ATP8B4: variants seen among roughly 807,000 people sequenced by gnomAD.
ATP8B4 encodes the protein ATPase phospholipid transporting 8B4 (putative), also known as probable phospholipid-transporting ATPase IM.
In ATP8B4, 133 loss-of-function variants were observed where a neutral mutation model predicts 145.6. The observed-to-expected ratio is 0.91, with a 90% CI of 0.79 to 1.05. The LOEUF is 1.05. ATP8B4 is among the 50% of genes least tolerant of loss of function. The pLI, the probability that ATP8B4 is intolerant of heterozygous loss-of-function variation, is 0.00. For synonymous variants in ATP8B4, 507 were observed against 492.9 expected, an observed-to-expected ratio of 1.03 and a Z score of -0.38; for missense variants, 1,458 against 1,425.2, an observed-to-expected ratio of 1.02 and a Z score of -0.37.
intron 20 of ATP8B4, among the ~76,000 whole-genome samples, chr15:49,916,540 T>C (rs969379972): frequency 1.3e-5 from 2 of 152,310 alleles, no homozygotes; most frequent in African/African-American, 2.4e-5. Context: ...CCATTCCGTG[T>C]AGATTCTTAA....
At chr15:49,867,897 C>A (rs1598792313) in intron 25 of ATP8B4, among the ~76,000 whole-genome samples, 1 of 152,164 alleles carries the variant, frequency 6.6e-6, no homozygotes, top group African/African-American at 2.4e-5. Context: ...ATATTCTGGA[C>A]AAAACAATAC....
At chr15:50,162,664 G>A (rs1251611611) in intron 1 of ATP8B4, among the ~76,000 whole-genome samples, 1 of 151,954 alleles carries the variant, frequency 6.6e-6, no homozygotes, top group Non-Finnish European at 1.5e-5. Flanking sequence ...CCGCCACCAC[G>A]CCCGGCTAAT....
At chr15:49,932,114 T>G (rs12148767) in intron 15 of ATP8B4, among the ~76,000 whole-genome samples, 36,916 of 151,528 alleles carry the variant, frequency 0.24, 5,181 homozygotes, top group Non-Finnish European at 0.31. Context: ...TAATTAGGCA[T>G]AGCTAGACCC....
At chr15:50,072,403 G>T (rs921989706) in intron 3 of ATP8B4, among the ~76,000 whole-genome samples, 2 of 152,126 alleles carry the variant, frequency 1.3e-5, no homozygotes, top group Non-Finnish European at 2.9e-5. Flanking sequence ...CTTACACAGA[G>T]TCATAGAAGA....
At chr15:50,044,780 G>A in intron 4 of ATP8B4, 88 bp from the exon 5 acceptor site, 2 of 857,274 alleles carry the variant, frequency 2.3e-6, no homozygotes, top group Non-Finnish European at 3.7e-6. Context: ...AATTAATGGG[G>A]TTATATTGAC....
intron 1 of ATP8B4, among the ~76,000 whole-genome samples, chr15:50,151,949 A>G (rs923215658): frequency 2.0e-4 from 31 of 152,158 alleles, no homozygotes; most frequent in Non-Finnish European, 4.4e-5. Flanking sequence ...AAGTTTTCTT[A>G]AGTCTGGAAA....
chr15:50,002,149 T>G lies in ATP8B4; in HGVS notation c.506+4A>C. On this transcript the variant is annotated splice_donor_region_variant and intron_variant, in intron 8 of 27. Transcript: ENST00000284509. ...ACCAAATTATTCTAATTTTAATAAC[T>G]TACCCATCAAGCTCAGCAGTTTCAA... The G allele has an allele frequency of 6.2e-7, 1 of 1,600,134 alleles. No individual in the cohort carries two copies. The highest frequency in any genetic ancestry group is 8.6e-7 in the Non-Finnish European group (1 of 1,169,454).
At chr15:50,150,883 C>T (rs1403463096) in intron 1 of ATP8B4, among the ~76,000 whole-genome samples, 1 of 152,158 alleles carries the variant, frequency 6.6e-6, no homozygotes, top group African/African-American at 2.4e-5. Context: ...ATCAAATGAC[C>T]ATTATCCTGT....
intron 25 of ATP8B4, 84 bp downstream of exon 25, chr15:49,876,194 C>A: frequency 6.6e-7 from 1 of 1,517,282 alleles, no homozygotes; most frequent in Non-Finnish European, 8.9e-7. Context: ...TATTTCCCCC[C>A]AACAAGTAGA....
chr15:49,917,035 A>G lies in ATP8B4; in HGVS notation c.2040T>C (p.Thr680=). 1 of 1,613,770 alleles carries G rather than the reference A, an allele frequency of 6.2e-7. No individual in the cohort carries two copies. Among genetic ancestry groups the G allele is most frequent in the Non-Finnish European group, 8.5e-7 (1 of 1,179,722 alleles). ...IWVLTGDKQE[T]AINIGYACNM... is the part of the protein sequence containing the mutation. ...TGCAGGCATAACCGATGTTGATGGCAGTTTCTAACACAAAATAAAGCCCAA... is the reference window on the plus strand; with the variant it reads ...TGCAGGCATAACCGATGTTGATGGCGGTTTCTAACACAAAATAAAGCCCAA... Residue 680 remains threonine, a synonymous_variant, in exon 20 of 28, where the codon ACT becomes ACC. Transcript: ENST00000284509.
At chr15:49,958,116 A>G (rs941987641) in intron 14 of ATP8B4, among the ~76,000 whole-genome samples, 23 of 151,770 alleles carry the variant, frequency 1.5e-4, no homozygotes, top group African/African-American at 5.5e-4. Context: ...ACCATCTGCA[A>G]ATTTTAAATT....
At chr15:49,919,503 C>T (rs1261596707) in intron 18 of ATP8B4, among the ~76,000 whole-genome samples, 3 of 152,080 alleles carry the variant, frequency 2.0e-5, no homozygotes. Context: ...CTGCAAGCTC[C>T]GCCTCCCGGG....
intron 8 of ATP8B4, among the ~76,000 whole-genome samples, chr15:50,001,635 T>C (rs965981823): frequency 3.3e-5 from 5 of 152,236 alleles, no homozygotes; most frequent in African/African-American, 1.2e-4. Flanking sequence ...TAAATGTTTT[T>C]ATGCCAGACA....
chr15:49,945,218 A>G (rs1444305804), intron 14 of ATP8B4, among the ~76,000 whole-genome samples: 1 of 152,176 alleles, frequency 6.6e-6, no homozygotes, highest in Non-Finnish European at 1.5e-5. Context: ...GAGAATCTTA[A>G]GAGACTTACG....
intron 14 of ATP8B4, among the ~76,000 whole-genome samples, chr15:49,949,837 A>G (rs2153488861): frequency 6.6e-6 from 1 of 152,290 alleles, no homozygotes; most frequent in East Asian, 1.9e-4. Flanking sequence ...ATGTCCCATC[A>G]ATACCTAGCT....
Position 50,158,385 on chromosome 15 carries a change from G to A in ATP8B4, c.-43+23876C>T, listed in dbSNP as rs2044459562. Among the ~76,000 whole-genome samples the A allele has an allele frequency of 2.0e-5, 3 of 151,644 alleles. No homozygotes were observed. In the South Asian group the frequency reaches 6.2e-4, roughly 32 times the overall value. On this transcript the variant is annotated intron_variant, in intron 1 of 3. Transcript: ENST00000558829. ...GCCCGGCAGCCACCCCATCCGGGAG[G>A]GAGGTGGGGGTCAGCCCCCGCCCGG... is the stretch of plus-strand genomic sequence containing the variant.
intron 1 of ATP8B4, among the ~76,000 whole-genome samples, chr15:50,152,625 T>C (rs916649168): frequency 2.0e-5 from 3 of 152,192 alleles, no homozygotes; most frequent in Non-Finnish European, 4.4e-5. Flanking sequence ...ATTTTAATCC[T>C]GGGAAAGTCT....
intron 1 of ATP8B4, among the ~76,000 whole-genome samples, chr15:50,178,357 T>A (rs1375481868): frequency 6.6e-6 from 1 of 152,196 alleles, no homozygotes; most frequent in African/African-American, 2.4e-5. Context: ...AAGTCCAAGA[T>A]CTGGCTCTAT....
At chr15:50,034,322 T>C (rs1227564967) in intron 6 of ATP8B4, among the ~76,000 whole-genome samples, 1 of 150,776 alleles carries the variant, frequency 6.6e-6, no homozygotes, top group African/African-American at 2.4e-5. Context: ...CCTCCCCCTC[T>C]GGGTTCAAAT....
Sources: gnomAD v4.1 joint callset for allele counts (sites outside exome capture counted in the v4.1 genomes callset) on GRCh38, gnomAD v4.1.1 for gene constraint, MANE v1.5 for transcripts, NCBI Gene and HGNC (gene_info 2026-07-23, HGNC 2026-07-21) for gene names.